Variants in SHTN1 observed in about 807,000 individuals in gnomAD.
The protein encoded by SHTN1 is shootin 1, also known as shootin-1.
Under a neutral mutation model 83.1 loss-of-function variants are expected in SHTN1, and 42 were observed. That is an observed-to-expected ratio of 0.51 (90% CI 0.39 to 0.65). The LOEUF (loss-of-function observed/expected upper bound fraction) is 0.65. Ranked by LOEUF, SHTN1 falls within the 30% of genes least tolerant of loss-of-function variation. SHTN1 has a pLI of 0.00. For missense variants in SHTN1, 622 were observed against 737.8 expected, an observed-to-expected ratio of 0.84 and a Z score of 1.82; for synonymous variants, 224 against 247.7, an observed-to-expected ratio of 0.90 and a Z score of 0.90.
chr10:117,099,716 T>C (rs1486446123), intron 1 of SHTN1, among the ~76,000 whole-genome samples: 1 of 152,176 alleles, frequency 6.6e-6, no homozygotes, highest in Non-Finnish European at 1.5e-5. Context: ...TAGGAGGCGC[T>C]CCATGAATAC....
chr10:116,967,846 C>T (rs1850452667), intron 3 of SHTN1, among the ~76,000 whole-genome samples: 1 of 152,158 alleles, frequency 6.6e-6, no homozygotes, highest in African/African-American at 2.4e-5. Context: ...TAATTAAATA[C>T]ATTATGGTAC....
At chr10:117,119,034 A>G (rs547730806) in intron 1 of SHTN1, among the ~76,000 whole-genome samples, 3 of 152,350 alleles carry the variant, frequency 2.0e-5, no homozygotes, top group East Asian at 1.9e-4. Context: ...TTGCAGCACC[A>G]TGGGTGGAAT....
intron 1 of SHTN1, among the ~76,000 whole-genome samples, chr10:116,980,386 G>A (rs1371810578): frequency 6.6e-6 from 1 of 152,036 alleles, no homozygotes; most frequent in African/African-American, 2.4e-5. Context: ...TTGAACTCCA[G>A]GGCTCAAAAT....
intron 4 of SHTN1, among the ~76,000 whole-genome samples, chr10:116,958,719 T>G (rs1434157039): frequency 6.6e-6 from 1 of 152,180 alleles, no homozygotes; most frequent in African/African-American, 2.4e-5. Flanking sequence ...AATAAAGTAA[T>G]TTTTTAAAAG....
intron 9 of SHTN1, among the ~76,000 whole-genome samples, chr10:116,931,273 G>C (rs1161669726): frequency 6.6e-6 from 1 of 151,938 alleles, no homozygotes; most frequent in Non-Finnish European, 1.5e-5. Flanking sequence ...TTCTGAGATA[G>C]AGTCTCACTC....
intron 16 of SHTN1, 25 bp downstream of exon 16, chr10:116,901,740 C>T (rs1412295052): frequency 6.4e-7 from 1 of 1,558,326 alleles, no homozygotes; most frequent in Non-Finnish European, 8.6e-7. Context: ...CTATACACCA[C>T]TTAGTAAAGA....
chr10:116,892,912 G>A (rs1013213911), intron 16 of SHTN1, among the ~76,000 whole-genome samples: 4 of 152,134 alleles, frequency 2.6e-5, no homozygotes, highest in Admixed American at 6.5e-5. Context: ...ACAATGTACC[G>A]AAAGCAATTT....
chr10:116,948,850 C>T, intron 7 of SHTN1, 66 bp downstream of exon 7: 1 of 1,112,148 alleles, frequency 9.0e-7, no homozygotes, highest in Non-Finnish European at 1.2e-6. Context: ...TGTAAAATGA[C>T]ACACAATATA....
At chr10:116,927,722 G>T in intron 11 of SHTN1, 70 bp downstream of exon 11, 1 of 1,422,074 alleles carries the variant, frequency 7.0e-7, no homozygotes, top group South Asian at 1.7e-5. Context: ...CTTTTAAGAT[G>T]ACTCCTCTTA....
chr10:117,090,746 T>G (rs1853417399), intron 1 of SHTN1, among the ~76,000 whole-genome samples: 1 of 124,684 alleles, frequency 8.0e-6, no homozygotes, highest in African/African-American at 3.1e-5. Flanking sequence ...CCCTAATTTG[T>G]GAAAACAGAA....
At chr10:117,054,689 G>A (rs564104917) in intron 1 of SHTN1, among the ~76,000 whole-genome samples, 2 of 151,970 alleles carry the variant, frequency 1.3e-5, no homozygotes, top group South Asian at 2.1e-4. Flanking sequence ...TTACAGCCGT[G>A]AGCCACCGCA....
intron 1 of SHTN1, among the ~76,000 whole-genome samples, chr10:116,996,546 T>G (rs1311917548): frequency 1.3e-5 from 2 of 152,220 alleles, no homozygotes; most frequent in Admixed American, 6.5e-5. Context: ...GAAGACACTT[T>G]GAGCCTAAGA....
intron 1 of SHTN1, among the ~76,000 whole-genome samples, chr10:116,999,594 C>T (rs1387939925): frequency 6.6e-6 from 1 of 152,144 alleles, no homozygotes; most frequent in Non-Finnish European, 1.5e-5. Context: ...TTTCTATGAG[C>T]ATGTGTTTAT....
intron 12 of SHTN1, among the ~76,000 whole-genome samples, chr10:116,918,444 CACTA>C (rs963333186): frequency 1.3e-5 from 2 of 151,906 alleles, no homozygotes; most frequent in Admixed American, 1.3e-4. Context: ...CTATTTCTTT[CACTA>C]ACTTTCTTTT....
At chr10:117,072,548 G>C (rs947331359) in intron 1 of SHTN1, among the ~76,000 whole-genome samples, 2 of 152,162 alleles carry the variant, frequency 1.3e-5, no homozygotes, top group Non-Finnish European at 2.9e-5. Flanking sequence ...ACTCTGTGCA[G>C]ACAACCCCCA....
rs1852638424 is a variant in SHTN1, at chr10:117,044,831, A to AC, written c.-123+3613_-123+3614insG. Among the ~76,000 whole-genome samples the AC allele has an allele frequency of 2.6e-5, 4 of 152,136 alleles. No individual in the cohort carries two copies. The South Asian group carries it at 8.3e-4, about 31-fold the overall frequency. ...TGAAATTTCATTGTTGCCTTATAAC[A>AC]TTTTCAATGAAAGTCCTAATTTTGG... On this transcript the variant is annotated intron_variant, in intron 2 of 17. Transcript: ENST00000392901.
rs1275824279 is a variant in SHTN1 at position 116,884,599 on chromosome 10, G to GT, written c.*1744dup. The GT allele has an allele frequency of 2.5e-5, 5 of 196,140 alleles. No homozygotes were observed. The highest frequency in any genetic ancestry group is 1.2e-4 in the African/African-American group (5 of 42,412). The allele number at this position is 196,140 out of a possible 1,614,324, so 12.1% of individuals were successfully genotyped here. A position where few individuals can be genotyped will look rare whatever the true frequency, so the allele number is the denominator to read the frequency against. On this transcript the variant is annotated 3_prime_UTR_variant, in exon 17 of 17. Transcript: ENST00000355371. ...CATATTTTTATATTCCTAAATGTGT[G>GT]TGAGTTGCATGCTGGCAGACAGATC...
At chr10:117,102,385 T>A (rs1853607266) in intron 1 of SHTN1, among the ~76,000 whole-genome samples, 2 of 152,182 alleles carry the variant, frequency 1.3e-5, no homozygotes. Flanking sequence ...CTACTGAAAC[T>A]TACATGCTAA....
chr10:116,997,410 C>G (rs1201883991), intron 1 of SHTN1, among the ~76,000 whole-genome samples: 2 of 152,178 alleles, frequency 1.3e-5, no homozygotes, highest in Non-Finnish European at 2.9e-5. Flanking sequence ...TATGAACTTA[C>G]AAGGTTTGAG....
Sources: allele counts gnomAD v4.1 joint callset (sites outside exome capture counted in the v4.1 genomes callset), GRCh38; gene constraint gnomAD v4.1.1; transcripts MANE v1.5; gene names NCBI Gene and HGNC (gene_info 2026-07-23, HGNC 2026-07-21).